ACVR1: variants seen among roughly 807,000 people sequenced by gnomAD.
The protein encoded by ACVR1 is activin receptor type-1.
Under a neutral mutation model 57.1 loss-of-function variants are expected in ACVR1, and 38 were observed. That is an observed-to-expected ratio of 0.67 (90% CI 0.51 to 0.87). The LOEUF is 0.87. Among genes scored for constraint, ACVR1 ranks in the 40% least tolerant of loss-of-function variants. ACVR1 has a pLI of 0.00. For synonymous variants in ACVR1, 212 were observed against 228.1 expected (o/e 0.93, Z 0.63); for missense variants, 463 against 638.2 (o/e 0.73, Z 2.96).
chr2:157,818,555 C>G lies in ACVR1; in HGVS notation c.-178G>C, dbSNP rs1211939063. On this transcript the variant is annotated 5_prime_UTR_variant, in exon 2 of 11. Coordinates refer to ENST00000434821, the MANE Select transcript of ACVR1 (RefSeq NM_001111067.4). Reference sequence around the variant, plus strand: ...TGGCAGTGTGACGCTTACCAATGCTCCAGGCTGCAGAGGGAAAGAAGAAAG... The same window carrying G: ...TGGCAGTGTGACGCTTACCAATGCTGCAGGCTGCAGAGGGAAAGAAGAAAG... 6.6e-6 allele frequency: 1 copy of G among 152,240 alleles called. No individual in the cohort carries two copies. Among genetic ancestry groups the G allele is most frequent in the Non-Finnish European group, 1.5e-5 (1 of 68,080 alleles). 9.4% of individuals were successfully genotyped at this position (152,240 alleles called of 1,614,324 possible).
At chr2:157,853,278 G>T (rs1434976507) in intron 1 of ACVR1, among the ~76,000 whole-genome samples, 1 of 152,182 alleles carries the variant, frequency 6.6e-6, no homozygotes, top group Non-Finnish European at 1.5e-5. Context: ...AGAAGTCCAA[G>T]ATCAGGATGC....
intron 1 of ACVR1, among the ~76,000 whole-genome samples, chr2:157,818,875 G>A (rs1308944069): frequency 2.0e-5 from 3 of 151,584 alleles, no homozygotes; most frequent in Non-Finnish European, 2.9e-5. Flanking sequence ...TCAGGAGATC[G>A]AGACCATCCC....
chr2:157,771,751 T>A (rs963298228), intron 6 of ACVR1, among the ~76,000 whole-genome samples: 6 of 152,180 alleles, frequency 3.9e-5, no homozygotes, highest in Non-Finnish European at 8.8e-5. Context: ...GAATATCATG[T>A]CCCTATTAAA....
chr2:157,785,399 C>T (rs1356539182), intron 3 of ACVR1, among the ~76,000 whole-genome samples: 1 of 152,176 alleles, frequency 6.6e-6, no homozygotes, highest in Non-Finnish European at 1.5e-5. Flanking sequence ...TCCGGGAGCA[C>T]AGTTTGGCAC....
intron 9 of ACVR1, among the ~76,000 whole-genome samples, chr2:157,742,748 C>T (rs536689174): frequency 1.6e-4 from 24 of 152,220 alleles, no homozygotes; most frequent in African/African-American, 3.9e-4. Context: ...AAGCATGAAA[C>T]GCCAGTAGCC....
chr2:157,784,203 G>A (rs959072234), intron 3 of ACVR1, among the ~76,000 whole-genome samples: 1 of 152,128 alleles, frequency 6.6e-6, no homozygotes, highest in Admixed American at 6.5e-5. Flanking sequence ...GAGTGGGGGT[G>A]GGGTTCGAGA....
At chr2:157,798,144 A>G (rs1687188448) in intron 3 of ACVR1, among the ~76,000 whole-genome samples, 1 of 152,190 alleles carries the variant, frequency 6.6e-6, no homozygotes, top group Non-Finnish European at 1.5e-5. Context: ...CCGAGCATTC[A>G]TTTTCATGAA....
chr2:157,807,410 G>A (rs1470803238), intron 2 of ACVR1, among the ~76,000 whole-genome samples: 1 of 152,030 alleles, frequency 6.6e-6, no homozygotes, highest in Non-Finnish European at 1.5e-5. Flanking sequence ...ACTGTCCCTC[G>A]TTTTCCACTT....
intron 5 of ACVR1, 36 bp from the exon 6 acceptor site, chr2:157,774,223 A>G: frequency 6.5e-7 from 1 of 1,533,706 alleles, no homozygotes; most frequent in Non-Finnish European, 9.0e-7. Context: ...GAAACGATTG[A>G]GCAATATAGC....
chr2:157,803,271 A>G (rs951143003), intron 2 of ACVR1, among the ~76,000 whole-genome samples: 1 of 152,222 alleles, frequency 6.6e-6, no homozygotes, highest in African/African-American at 2.4e-5. Flanking sequence ...GAAGACAGAA[A>G]AAGAATTATA....
intron 7 of ACVR1, among the ~76,000 whole-genome samples, chr2:157,770,073 T>G (rs941584684): frequency 3.3e-5 from 5 of 152,168 alleles, no homozygotes; most frequent in African/African-American, 1.2e-4. Flanking sequence ...CAATGAGCCT[T>G]GAAGTGAACA....
intron 6 of ACVR1, 88 bp from the exon 7 acceptor site, chr2:157,770,602 G>T: frequency 7.5e-7 from 1 of 1,329,722 alleles, no homozygotes; most frequent in Non-Finnish European, 1.1e-6. Context: ...TTTAGTGCAT[G>T]CAACTCTTAA....
chr2:157,865,099 GAAAAAAAA>G (rs59833492), intron 1 of ACVR1, among the ~76,000 whole-genome samples: 1 of 113,900 alleles, frequency 8.8e-6, no homozygotes, highest in Non-Finnish European at 1.8e-5. Context: ...ACTTACACAG[GAAAAAAAA>G]AAAAAAAAAA....
At chr2:157,795,440 G>A (rs1001476859) in intron 3 of ACVR1, among the ~76,000 whole-genome samples, 4 of 145,932 alleles carry the variant, frequency 2.7e-5, no homozygotes, top group African/African-American at 7.7e-5. Context: ...ACACAATAGG[G>A]AGTTGAGTCA....
intron 1 of ACVR1, among the ~76,000 whole-genome samples, chr2:157,847,459 T>C (rs1689159918): frequency 6.6e-6 from 1 of 152,186 alleles, no homozygotes; most frequent in Non-Finnish European, 1.5e-5. Flanking sequence ...AGAGAGTCCA[T>C]TTTAAAAGCC....
At chr2:157,780,925 T>C (rs1011195051) in intron 3 of ACVR1, among the ~76,000 whole-genome samples, 3 of 152,228 alleles carry the variant, frequency 2.0e-5, no homozygotes, top group Admixed American at 6.5e-5. Context: ...TTCAGCGTGA[T>C]TGGCTCTAAG....
At chr2:157,856,936 C>T (rs990147382) in intron 1 of ACVR1, among the ~76,000 whole-genome samples, 3 of 152,208 alleles carry the variant, frequency 2.0e-5, no homozygotes, top group Non-Finnish European at 2.9e-5. Flanking sequence ...CAGTGGTTTA[C>T]GCCTGTAATC....
intron 2 of ACVR1, among the ~76,000 whole-genome samples, chr2:157,812,856 C>T (rs187838669): frequency 5.3e-5 from 8 of 152,190 alleles, no homozygotes; most frequent in Admixed American, 2.0e-4. Context: ...AAAATTAACA[C>T]ATCATATAAA....
chr2:157,751,318 T>C (rs1685182459), intron 9 of ACVR1, among the ~76,000 whole-genome samples: 1 of 152,256 alleles, frequency 6.6e-6, no homozygotes, highest in African/African-American at 2.4e-5. Context: ...TCTTGGTCCC[T>C]GGGGAAGCCA....
Sources: gnomAD v4.1 joint callset for allele counts (sites outside exome capture counted in the v4.1 genomes callset) on GRCh38, gnomAD v4.1.1 for gene constraint, MANE v1.5 for transcripts, NCBI Gene and HGNC (gene_info 2026-07-23, HGNC 2026-07-21) for gene names.